The following FER variants were observed in gnomAD, a reference collection of about 807,000 sequenced individuals.
FER encodes the protein FER tyrosine kinase.
Under a neutral mutation model 111.0 loss-of-function variants are expected in FER, and 63 were observed. The observed-to-expected ratio is 0.57, with a 90% CI of 0.46 to 0.70. FER has a LOEUF of 0.70. Ranked by LOEUF, FER falls within the 30% of genes least tolerant of loss-of-function variation. The probability of loss-of-function intolerance (pLI) is 0.00; values close to 1 mark genes in which losing one functional copy is unlikely to be tolerated. For synonymous variants in FER, 327 were observed against 313.9 expected, an observed-to-expected ratio of 1.04 and a Z score of -0.44; for missense variants, 914 against 954.0, an observed-to-expected ratio of 0.96 and a Z score of 0.55.
At chr5:109,092,820 C>T (rs374418602) in intron 16 of FER, among the ~76,000 whole-genome samples, 10 of 152,112 alleles carry the variant, frequency 6.6e-5, no homozygotes, top group African/African-American at 2.2e-4. Context: ...GTGTTCATTT[C>T]GGTGTGATTC....
intron 5 of FER, among the ~76,000 whole-genome samples, chr5:108,863,398 C>T (rs770511444): frequency 9.2e-5 from 14 of 152,198 alleles, no homozygotes; most frequent in East Asian, 1.9e-4. Flanking sequence ...TGGGATTACA[C>T]GTGAGCTGCT....
At chr5:109,051,244 T>A in intron 16 of FER, 1 of 991,880 alleles carries the variant, frequency 1.0e-6, no homozygotes. Context: ...TAACACCTGG[T>A]GCACTTTCTA....
At chr5:109,056,372 T>C (rs1385972066) in intron 16 of FER, among the ~76,000 whole-genome samples, 1 of 152,186 alleles carries the variant, frequency 6.6e-6, no homozygotes, top group Non-Finnish European at 1.5e-5. Flanking sequence ...ATATGTTCAG[T>C]AGAATATTCT....
intron 17 of FER, among the ~76,000 whole-genome samples, chr5:109,123,579 A>G (rs533848775): frequency 6.6e-6 from 1 of 152,244 alleles, no homozygotes; most frequent in Middle Eastern, 3.4e-3. Flanking sequence ...TGAGGCTTCC[A>G]AATAACATCT....
At chr5:108,801,328 A>C (rs559052233) in intron 3 of FER, among the ~76,000 whole-genome samples, 1 of 152,286 alleles carries the variant, frequency 6.6e-6, no homozygotes, top group East Asian at 1.9e-4. Flanking sequence ...GTCTATTTTT[A>C]TACTCTTTAT....
At chr5:108,799,942 A>G (rs564130584) in intron 3 of FER, among the ~76,000 whole-genome samples, 3 of 150,618 alleles carry the variant, frequency 2.0e-5, no homozygotes, top group Middle Eastern at 3.4e-3. Context: ...TCCCGGGTTC[A>G]GGTGATTCTT....
intron 10 of FER, chr5:108,924,732 A>G (rs1474378611): frequency 2.4e-6 from 3 of 1,231,940 alleles, no homozygotes; most frequent in Non-Finnish European, 3.0e-6. Flanking sequence ...AATCCTGTAA[A>G]ACATGTGCTT....
At chr5:108,954,702 G>GTT (rs66958414) in intron 11 of FER, 27 bp from the exon 12 acceptor site, 4,440 of 1,175,838 alleles carry the variant, frequency 3.8e-3, no homozygotes, top group Non-Finnish European at 4.2e-3. Context: ...CTCTAATTTA[G>GTT]TTTTTTTTTT....
chr5:109,070,367 A>C (rs547420109), intron 16 of FER, among the ~76,000 whole-genome samples: 1 of 152,106 alleles, frequency 6.6e-6, no homozygotes, highest in South Asian at 2.1e-4. Flanking sequence ...TTGAGGAAAC[A>C]GTATATTTTG....
chr5:109,173,685 C>T (rs2126812433), intron 17 of FER, among the ~76,000 whole-genome samples: 1 of 152,080 alleles, frequency 6.6e-6, no homozygotes, highest in East Asian at 1.9e-4. Flanking sequence ...TCCCTTAAGA[C>T]TGTGATGTCT....
rs189316759 is a variant in FER at position 108,895,470 on chromosome 5, A to C, written c.1047-2189A>C. On this transcript the variant is annotated intron_variant, in intron 9 of 19. Transcript: ENST00000281092. Reference sequence around the variant, plus strand: ...TTTCTTCTAGACACTCTAGGGGAGAATTTGCTTCCTTTGCCTTTTCCAGTT... The same window carrying C: ...TTTCTTCTAGACACTCTAGGGGAGACTTTGCTTCCTTTGCCTTTTCCAGTT... Among the ~76,000 whole-genome samples the C allele has an allele frequency of 3.9e-5, 6 of 152,188 alleles. No homozygotes were observed. The East Asian group carries it at 1.2e-3, about 29-fold the overall frequency.
chr5:109,072,069 A>C (rs1775827640), intron 16 of FER, among the ~76,000 whole-genome samples: 1 of 151,810 alleles, frequency 6.6e-6, no homozygotes. Context: ...TTTCTCATAT[A>C]AATAAGACCA....
intron 11 of FER, 110 bp downstream of exon 11, chr5:108,946,332 A>G (rs771480901): frequency 1.6e-6 from 1 of 642,996 alleles, no homozygotes; most frequent in Non-Finnish European, 2.5e-6. Context: ...ATATGTATAT[A>G]CATATATAAA....
At chr5:108,948,182 C>T (rs923792215) in intron 11 of FER, among the ~76,000 whole-genome samples, 21 of 152,046 alleles carry the variant, frequency 1.4e-4, no homozygotes, top group Admixed American at 1.0e-3. Flanking sequence ...TTTTACTGGA[C>T]GTGACATAAC....
Position 108,878,203 on chromosome 5 carries a change from G to A in FER, c.924-5193G>A, listed in dbSNP as rs748214247. On this transcript the variant is annotated intron_variant, in intron 8 of 19. Coordinates refer to ENST00000281092, the MANE Select transcript of FER (RefSeq NM_005246.4). ...ATTACATTCGGGAGCCAACATGCTGGGCTTCCTTTGTATCGTTTAATACAA... is the reference window on the plus strand; with the variant it reads ...ATTACATTCGGGAGCCAACATGCTGAGCTTCCTTTGTATCGTTTAATACAA... 1.1e-4 allele frequency among the ~76,000 whole-genome samples: 16 copies of A among 152,058 alleles called. No homozygotes were observed. The Middle Eastern group carries it at 0.01, about 97-fold the overall frequency.
chr5:108,755,182 G>T (rs896754347), intron 1 of FER, among the ~76,000 whole-genome samples: 2 of 152,354 alleles, frequency 1.3e-5, no homozygotes, highest in African/African-American at 2.4e-5. Flanking sequence ...TACAGGCAAG[G>T]TTCTTATTCT....
chr5:109,063,741 G>A (rs1359050546), intron 16 of FER, among the ~76,000 whole-genome samples: 1 of 152,160 alleles, frequency 6.6e-6, no homozygotes, highest in East Asian at 1.9e-4. Context: ...ACCCAATACT[G>A]TGGAGTTTAT....
intron 17 of FER, among the ~76,000 whole-genome samples, chr5:109,126,207 C>T (rs972169183): frequency 6.6e-6 from 1 of 152,194 alleles, no homozygotes; most frequent in African/African-American, 2.4e-5. Flanking sequence ...TGCTTAGGCA[C>T]TTCCTTTCCC....
intron 16 of FER, among the ~76,000 whole-genome samples, chr5:109,068,457 C>A (rs1193087003): frequency 1.3e-5 from 2 of 152,166 alleles, no homozygotes; most frequent in Non-Finnish European, 2.9e-5. Context: ...GCTGGGATTA[C>A]AAGTGTGAGC....
Sources: gnomAD v4.1 joint callset for allele counts (sites outside exome capture counted in the v4.1 genomes callset) on GRCh38, gnomAD v4.1.1 for gene constraint, MANE v1.5 for transcripts, NCBI Gene and HGNC (gene_info 2026-07-23, HGNC 2026-07-21) for gene names.